Variants in SLC24A2 observed in about 807,000 individuals in gnomAD.
SLC24A2 encodes the protein sodium/potassium/calcium exchanger 2.
SLC24A2 carries 36 observed loss-of-function variants against 62.0 expected under a neutral mutation model. The observed-to-expected ratio is 0.58, with a 90% CI of 0.44 to 0.77. The LOEUF (loss-of-function observed/expected upper bound fraction) is 0.77. Among genes scored for constraint, SLC24A2 ranks in the 30% least tolerant of loss-of-function variants. SLC24A2 has a pLI of 0.00. For synonymous variants in SLC24A2, 358 were observed against 294.0 expected (o/e 1.22, Z -2.23); for missense variants, 846 against 817.9 (o/e 1.03, Z -0.42).
the SLC24A2 span, among the ~76,000 whole-genome samples, chr9:19,924,476 G>A: frequency 6.6e-6 from 1 of 152,068 alleles, no homozygotes; most frequent in South Asian, 2.1e-4. Flanking sequence ...ATGTCATCTT[G>A]GTCAGGTTTC....
intron 7 of SLC24A2, among the ~76,000 whole-genome samples, chr9:19,572,508 A>G (rs969405915): frequency 3.3e-5 from 5 of 151,972 alleles, no homozygotes; most frequent in Admixed American, 2.0e-4. Flanking sequence ...TTGAAAGTGT[A>G]TGGCACATCT....
chr9:19,651,062 T>C (rs1818787793), intron 2 of SLC24A2, among the ~76,000 whole-genome samples: 2 of 152,118 alleles, frequency 1.3e-5, no homozygotes, highest in African/African-American at 4.8e-5. Context: ...AATTAGTACC[T>C]TTTCAGAAAC....
intron 2 of SLC24A2, among the ~76,000 whole-genome samples, chr9:19,684,562 T>C (rs748184012): frequency 3.9e-5 from 6 of 152,116 alleles, no homozygotes; most frequent in Non-Finnish European, 8.8e-5. Context: ...CCCCAGTCTA[T>C]CTGACAGGCA....
At chr9:19,640,271 T>C (rs1818458059) in intron 2 of SLC24A2, among the ~76,000 whole-genome samples, 1 of 152,176 alleles carries the variant, frequency 6.6e-6, no homozygotes. Flanking sequence ...CCTTGCTGAG[T>C]ACTCACTGCA....
At chr9:20,092,732 C>T in the SLC24A2 span, among the ~76,000 whole-genome samples, 4 of 152,114 alleles carry the variant, frequency 2.6e-5, no homozygotes, top group African/African-American at 9.7e-5. Context: ...TTTGTGTGTG[C>T]AGGGCAGGGG....
intron 9 of SLC24A2, among the ~76,000 whole-genome samples, 177 bp from the exon 10 acceptor site, chr9:19,521,237 T>C (rs1833184260): frequency 6.6e-6 from 1 of 152,232 alleles, no homozygotes; most frequent in African/African-American, 2.4e-5. Flanking sequence ...GCTTTTAGGA[T>C]ATTCAGACCC....
intron 2 of SLC24A2, among the ~76,000 whole-genome samples, chr9:19,720,837 ATGTGTG>A (rs10692458): frequency 0.041 from 5,793 of 140,472 alleles, 129 homozygotes; most frequent in Middle Eastern, 0.068. Flanking sequence ...ATGTGGAATG[ATGTGTG>A]TGTGTGTGTG....
intron 6 of SLC24A2, among the ~76,000 whole-genome samples, chr9:19,575,689 A>G (rs1463002987): frequency 6.6e-6 from 1 of 152,216 alleles, no homozygotes; most frequent in Non-Finnish European, 1.5e-5. Flanking sequence ...CTACCTCCTT[A>G]AAAAAGATTA....
the SLC24A2 span, among the ~76,000 whole-genome samples, chr9:20,151,925 G>A: frequency 6.6e-6 from 1 of 151,626 alleles, no homozygotes; most frequent in African/African-American, 2.4e-5. Flanking sequence ...CCTGTTGCAT[G>A]AATTTCTATT....
At chr9:19,559,463 G>C (rs948839565) in intron 7 of SLC24A2, among the ~76,000 whole-genome samples, 6 of 152,184 alleles carry the variant, frequency 3.9e-5, no homozygotes, top group African/African-American at 1.4e-4. Flanking sequence ...CAAGCTTTAA[G>C]TAGACTTACT....
the SLC24A2 span, among the ~76,000 whole-genome samples, chr9:20,280,634 G>A: frequency 6.6e-6 from 1 of 152,174 alleles, no homozygotes; most frequent in African/African-American, 2.4e-5. Context: ...TTGGGCCCCT[G>A]TACTAGGTCA....
the SLC24A2 span, among the ~76,000 whole-genome samples, chr9:20,031,274 CAT>C: frequency 1.6e-3 from 242 of 146,896 alleles, no homozygotes; most frequent in Admixed American, 3.5e-3. Context: ...TGTGTGTGCG[CAT>C]ATATATATAT....
At chr9:20,167,472 AT>A in the SLC24A2 span, among the ~76,000 whole-genome samples, 1 of 151,970 alleles carries the variant, frequency 6.6e-6, no homozygotes, top group Non-Finnish European at 1.5e-5. Context: ...CAAATCTGTG[AT>A]TTTGCAAATA....
At chr9:19,529,706 A>G (rs907425044) in intron 8 of SLC24A2, among the ~76,000 whole-genome samples, 3 of 151,280 alleles carry the variant, frequency 2.0e-5, no homozygotes, top group Non-Finnish European at 4.4e-5. Context: ...GTAATGGGGG[A>G]AATAAAAAGG....
the SLC24A2 span, among the ~76,000 whole-genome samples, chr9:20,108,826 T>A: frequency 6.6e-6 from 1 of 152,118 alleles, no homozygotes; most frequent in Non-Finnish European, 1.5e-5. Flanking sequence ...TGTGCACATG[T>A]TCCCTAAAGC....
chr9:19,706,826 T>C (rs2118566524), intron 2 of SLC24A2, among the ~76,000 whole-genome samples: 1 of 152,032 alleles, frequency 6.6e-6, no homozygotes, highest in South Asian at 2.1e-4. Flanking sequence ...ATTGACACCC[T>C]AACATCACAA....
the SLC24A2 span, among the ~76,000 whole-genome samples, chr9:20,200,366 C>A: frequency 6.6e-6 from 1 of 152,274 alleles, no homozygotes; most frequent in East Asian, 1.9e-4. Flanking sequence ...GAGCTGTAGG[C>A]ATGGACCAAG....
chr9:20,188,385 C>G, the SLC24A2 span, among the ~76,000 whole-genome samples: 13 of 152,256 alleles, frequency 8.5e-5, no homozygotes, highest in African/African-American at 3.1e-4. Flanking sequence ...CCATTAGGAA[C>G]TCCAAGTAAC....
chr9:19,928,167 C>T, the SLC24A2 span: 1 of 152,408 alleles, frequency 6.6e-6, no homozygotes, highest in East Asian at 1.9e-4. Flanking sequence ...GTTTTCCTCT[C>T]ACAGCCAAGA....
Sources: gnomAD v4.1 joint callset for allele counts (sites outside exome capture counted in the v4.1 genomes callset) on GRCh38, gnomAD v4.1.1 for gene constraint, MANE v1.5 for transcripts, NCBI Gene and HGNC (gene_info 2026-07-23, HGNC 2026-07-21) for gene names.